LRRFIP2: variants seen among roughly 807,000 people sequenced by gnomAD.
LRRFIP2 encodes leucine-rich repeat flightless-interacting protein 2.
A neutral mutation model predicts 125.9 loss-of-function variants in LRRFIP2; 109 were observed. The observed-to-expected ratio is 0.87, with a 90% confidence interval of 0.74 to 1.01. The LOEUF is 1.01. LRRFIP2 is among the 50% of genes least tolerant of loss of function. The probability of loss-of-function intolerance (pLI) is 0.00; values close to 1 mark genes in which losing one functional copy is unlikely to be tolerated. For synonymous variants in LRRFIP2, 291 were observed against 293.1 expected (o/e 0.99, Z 0.07); for missense variants, 850 against 862.3 (o/e 0.99, Z 0.18).
At chr3:37,086,266 G>A (rs967089530) in intron 18 of LRRFIP2, among the ~76,000 whole-genome samples, 1 of 152,160 alleles carries the variant, frequency 6.6e-6, no homozygotes, top group Non-Finnish European at 1.5e-5. Flanking sequence ...CCCATATATT[G>A]CTGGTAGGAA....
At chr3:37,149,768 A>C (rs1264475722) in intron 1 of LRRFIP2, among the ~76,000 whole-genome samples, 1 of 152,036 alleles carries the variant, frequency 6.6e-6, no homozygotes, top group Admixed American at 6.6e-5. Context: ...GGGGAGGCTG[A>C]GGTGGGCAGA....
intron 2 of LRRFIP2, among the ~76,000 whole-genome samples, chr3:37,140,881 T>C (rs2095679998): frequency 6.6e-6 from 1 of 152,194 alleles, no homozygotes; most frequent in African/African-American, 2.4e-5. Context: ...ATCAAGATTC[T>C]CTTTACTATT....
intron 2 of LRRFIP2, chr3:37,135,250 G>A: frequency 1.7e-6 from 1 of 604,158 alleles, no homozygotes; most frequent in Non-Finnish European, 3.0e-6. Context: ...CACTAGGTCA[G>A]GAGTTCAAGA....
chr3:37,127,038 T>C (rs563786119), intron 4 of LRRFIP2, among the ~76,000 whole-genome samples: 4 of 152,242 alleles, frequency 2.6e-5, no homozygotes, highest in Admixed American at 6.5e-5. Flanking sequence ...TAAGGCTTCA[T>C]ATCCCTCTCC....
chr3:37,157,428 G>A (rs1434028444), intron 1 of LRRFIP2, among the ~76,000 whole-genome samples: 1 of 152,154 alleles, frequency 6.6e-6, no homozygotes, highest in Non-Finnish European at 1.5e-5. Flanking sequence ...GGATGACAGA[G>A]TGAGACCTTG....
rs1055551854 is a variant in LRRFIP2 at position 37,054,029 on chromosome 3, A to G, written c.2056-68T>C. ...AACATCCAGTGCTACTCTATTTTCAACTTCCTGGGAAATGAAAGCACTGCT... is the reference window on the plus strand; with the variant it reads ...AACATCCAGTGCTACTCTATTTTCAGCTTCCTGGGAAATGAAAGCACTGCT... On this transcript the variant is annotated intron_variant, in intron 27 of 27. Coordinates refer to ENST00000336686, the MANE Select transcript of LRRFIP2 (RefSeq NM_006309.4). The G allele has an allele frequency of 7.3e-6, 7 of 955,696 alleles. No individual in the cohort carries two copies. The Admixed American group carries it at 1.0e-4, about 14-fold the overall frequency. 59.2% of individuals were successfully genotyped at this position (955,696 alleles called of 1,614,324 possible). A position where few individuals can be genotyped will look rare whatever the true frequency, so the allele number is the denominator to read the frequency against.
intron 6 of LRRFIP2, among the ~76,000 whole-genome samples, chr3:37,120,379 A>G (rs2094975567): frequency 6.6e-6 from 1 of 152,196 alleles, no homozygotes; most frequent in Non-Finnish European, 1.5e-5. Context: ...TGCTGGGATT[A>G]CAGGTGTGAG....
chr3:37,100,725 A>G (rs1035571335), intron 15 of LRRFIP2, among the ~76,000 whole-genome samples: 11 of 152,324 alleles, frequency 7.2e-5, no homozygotes, highest in African/African-American at 2.6e-4. Context: ...TTCAGTTTTT[A>G]AGAGAACAGA....
rs190298437 is a variant in LRRFIP2 at position 37,091,678 on chromosome 3, C to T, written c.1036-140G>A. On this transcript the variant is annotated intron_variant, in intron 17 of 27. Transcript: ENST00000336686. ...AAATCAAAGTACAAAAACATAACTC[C>T]CACTCCCAACCACTGAAAAGGGCAA... 4.2e-4 allele frequency: 259 copies of T among 613,702 alleles called. 1 individual carries two copies. The East Asian group carries it at 7.1e-3, about 17-fold the overall frequency. The allele number at this position is 613,702 out of a possible 1,614,324, so 38.0% of individuals were successfully genotyped here.
At chr3:37,159,625 G>A (rs997088731) in intron 1 of LRRFIP2, among the ~76,000 whole-genome samples, 10 of 152,000 alleles carry the variant, frequency 6.6e-5, no homozygotes, top group South Asian at 2.1e-4. Flanking sequence ...TCCTACCTCA[G>A]CCTCCTGAAT....
chr3:37,135,452 A>G (rs1253849871), intron 2 of LRRFIP2, among the ~76,000 whole-genome samples: 1 of 150,438 alleles, frequency 6.6e-6, no homozygotes, highest in Non-Finnish European at 1.5e-5. Flanking sequence ...AGCAAGACTC[A>G]GTCTCAAAAA....
intron 15 of LRRFIP2, among the ~76,000 whole-genome samples, chr3:37,101,356 CAAA>C (rs11359628): frequency 1.5e-5 from 2 of 132,356 alleles, no homozygotes; most frequent in Admixed American, 7.6e-5. Flanking sequence ...GACTCCGTCT[CAAA>C]AAAAAAAAAA....
rs547513877 is a variant in LRRFIP2 at position 37,082,575 on chromosome 3, C to A, written c.1278+1061G>T. ...ATTAGGGTTCACTCTTGGTGGTGTACATTCTATGGTTTTGGACAAATGTAT... is the reference window on the plus strand; with the variant it reads ...ATTAGGGTTCACTCTTGGTGGTGTAAATTCTATGGTTTTGGACAAATGTAT... On this transcript the variant is annotated intron_variant, in intron 19 of 27. Coordinates refer to ENST00000336686, the MANE Select transcript of LRRFIP2 (RefSeq NM_006309.4). 1.7e-4 allele frequency among the ~76,000 whole-genome samples: 26 copies of A among 152,240 alleles called. No homozygotes were observed. The South Asian group carries it at 5.2e-3, about 30-fold the overall frequency.
chr3:37,107,534 T>C (rs773348663), intron 13 of LRRFIP2, among the ~76,000 whole-genome samples: 3 of 152,196 alleles, frequency 2.0e-5, no homozygotes, highest in African/African-American at 7.2e-5. Flanking sequence ...AAATGGGGAA[T>C]TTTACTTTGA....
chr3:37,154,470 T>G (rs2096124980), intron 1 of LRRFIP2: 1 of 152,358 alleles, frequency 6.6e-6, no homozygotes, highest in African/African-American at 2.4e-5. Flanking sequence ...CAGTGTTTCC[T>G]TGGTGGTATC....
In LRRFIP2 at chr3:37,083,557, T is replaced by C. The variant is rs568514252; in HGVS notation, c.1278+79A>G. On this transcript the variant is annotated intron_variant, in intron 19 of 27. Transcript: ENST00000336686. ...GACTGAAACATCATTCCTAAATAAG[T>C]ATGCTGCAATCTTCCATCACTTTGT... is the stretch of plus-strand genomic sequence containing the variant. 125 of 1,062,308 alleles carry C rather than the reference T, an allele frequency of 1.2e-4. No homozygotes were observed. In the African/African-American group the frequency reaches 1.9e-3, roughly 16 times the overall value. 65.8% of individuals were successfully genotyped at this position (1,062,308 alleles called of 1,614,324 possible).
chr3:37,143,567 T>C, intron 2 of LRRFIP2: 1 of 247,832 alleles, frequency 4.0e-6, no homozygotes, highest in Non-Finnish European at 8.6e-6. Context: ...CAAATGATGT[T>C]CTGCAGCTTC....
chr3:37,063,879 A>G (rs2089459508), intron 23 of LRRFIP2, 88 bp from the exon 24 acceptor site: 1 of 845,524 alleles, frequency 1.2e-6, no homozygotes, highest in Non-Finnish European at 2.0e-6. Context: ...TAAACAGCTA[A>G]TATTATCTGA....
intron 25 of LRRFIP2, 70 bp downstream of exon 25, chr3:37,058,720 C>T: frequency 1.3e-6 from 2 of 1,531,202 alleles, no homozygotes; most frequent in South Asian, 2.4e-5. Flanking sequence ...TACCAGCAAC[C>T]TGCTGACAAA....
Sources: allele counts gnomAD v4.1 joint callset (sites outside exome capture counted in the v4.1 genomes callset), GRCh38; gene constraint gnomAD v4.1.1; transcripts MANE v1.5; gene names NCBI Gene and HGNC (gene_info 2026-07-23, HGNC 2026-07-21).